HDAC8: variants seen among roughly 807,000 people sequenced by gnomAD.
HDAC8 encodes histone deacetylase 8.
In HDAC8, 1 loss-of-function variant was observed where a neutral mutation model predicts 32.2. The observed-to-expected ratio is 0.03, with a 90% CI of 0.01 to 0.15. The LOEUF (loss-of-function observed/expected upper bound fraction) is 0.15, where lower values mean the gene tolerates loss of function less well. Ranked by LOEUF, HDAC8 falls within the 10% of genes least tolerant of loss-of-function variation. The pLI is 1.00. For synonymous variants in HDAC8, 108 were observed against 113.9 expected (o/e 0.95, Z 0.33); for missense variants, 117 against 300.0 (o/e 0.39, Z 4.51).
In HDAC8 at chrX:72,452,687, T is replaced by C. The variant is rs2047601925; in HGVS notation, c.1005+9317A>G. 2.7e-5 allele frequency among the ~76,000 whole-genome samples: 3 copies of C among 111,871 alleles called. No individual in the cohort carries two copies. The Admixed American group carries it at 2.8e-4, about 11-fold the overall frequency. On this transcript the variant is annotated intron_variant, in intron 9 of 10. Coordinates refer to ENST00000373573, the MANE Select transcript of HDAC8 (RefSeq NM_018486.3). Reference sequence around the variant, plus strand: ...GGAAAAGGATCAAACTGATCCACAATAACTTAATTATCAGGAAAAAAGTAT... The same window carrying C: ...GGAAAAGGATCAAACTGATCCACAACAACTTAATTATCAGGAAAAAAGTAT...
At chrX:72,337,641 C>G (rs1555943046) in intron 10 of HDAC8, among the ~76,000 whole-genome samples, 2 of 111,357 alleles carry the variant, frequency 1.8e-5, no homozygotes, top group Admixed American at 9.5e-5. Flanking sequence ...CAAGACTGGT[C>G]TCCTTGCTTC....
chrX:72,570,125 T>A (rs1556147950), intron 2 of HDAC8, among the ~76,000 whole-genome samples: 1 of 111,724 alleles, frequency 9.0e-6, no homozygotes, highest in African/African-American at 3.3e-5. Context: ...GTGAAATACA[T>A]AGCCAAGACC....
chrX:72,476,453 T>A (rs1365914667), intron 7 of HDAC8, among the ~76,000 whole-genome samples: 2 of 111,438 alleles, frequency 1.8e-5, no homozygotes, highest in Non-Finnish European at 3.8e-5. Context: ...TTAACTGCTC[T>A]GTAACTACCA....
intron 9 of HDAC8, among the ~76,000 whole-genome samples, chrX:72,370,929 G>A (rs782065315): frequency 1.2e-4 from 13 of 111,693 alleles, no homozygotes; most frequent in African/African-American, 2.3e-4. Flanking sequence ...TTCCCAGCCC[G>A]CTGACTCAAA....
intron 9 of HDAC8, among the ~76,000 whole-genome samples, chrX:72,451,212 T>C (rs1344790152): frequency 9.0e-6 from 1 of 110,710 alleles, no homozygotes; most frequent in Admixed American, 9.6e-5. Context: ...TTTTTTTCCT[T>C]TTGAGACAGA....
chrX:72,370,020 C>T (rs1408215493), intron 9 of HDAC8, among the ~76,000 whole-genome samples: 1 of 112,022 alleles, frequency 8.9e-6, no homozygotes, highest in Non-Finnish European at 1.9e-5. Flanking sequence ...CGCAAGGTGA[C>T]AGTCCCTCCA....
chrX:72,436,626 C>CAGGAAGGA (rs782354933), intron 9 of HDAC8, among the ~76,000 whole-genome samples: 1 of 109,519 alleles, frequency 9.1e-6, no homozygotes. Flanking sequence ...AAAAGAGCAT[C>CAGGAAGGA]AGGAAGGAAG....
intron 9 of HDAC8, among the ~76,000 whole-genome samples, chrX:72,414,294 A>G (rs192875603): frequency 4.3e-4 from 48 of 112,290 alleles, no homozygotes; most frequent in African/African-American, 1.5e-3. Flanking sequence ...GACCAAGAGA[A>G]GCAGTAATAT....
intron 9 of HDAC8, among the ~76,000 whole-genome samples, chrX:72,446,296 C>T (rs1418990606): frequency 5.4e-5 from 6 of 112,090 alleles, no homozygotes; most frequent in Non-Finnish European, 1.1e-4. Flanking sequence ...AAATGTTCAA[C>T]AATGATAGAC....
At chrX:72,393,053 G>A (rs781863983) in intron 9 of HDAC8, among the ~76,000 whole-genome samples, 14 of 111,862 alleles carry the variant, frequency 1.3e-4, no homozygotes, top group South Asian at 1.1e-3. Flanking sequence ...CTTATTCAGC[G>A]TTGGTAGTTT....
intron 4 of HDAC8, among the ~76,000 whole-genome samples, chrX:72,567,124 G>A (rs1955532970): frequency 8.9e-6 from 1 of 111,783 alleles, no homozygotes; most frequent in African/African-American, 3.3e-5. Flanking sequence ...TAGCCTGAAC[G>A]ACAGGGCGAG....
chrX:72,478,279 T>C (rs1208933303), intron 7 of HDAC8, among the ~76,000 whole-genome samples: 1 of 112,598 alleles, frequency 8.9e-6, no homozygotes, highest in Non-Finnish European at 1.9e-5. Context: ...GTTAGTCTAG[T>C]TTGAATTACT....
At chrX:72,495,367 T>C (rs1346894234) in intron 4 of HDAC8, 99 bp from the exon 5 acceptor site, 1 of 434,219 alleles carries the variant, frequency 2.3e-6, no homozygotes, top group Non-Finnish European at 3.8e-6. Flanking sequence ...CCCCTAAAGT[T>C]CCCCCTTCTT....
intron 9 of HDAC8, among the ~76,000 whole-genome samples, chrX:72,451,279 C>T (rs1327133210): frequency 9.1e-6 from 1 of 109,872 alleles, no homozygotes; most frequent in Non-Finnish European, 1.9e-5. Flanking sequence ...TTACTGCATA[C>T]TCTGCCTCCC....
intron 9 of HDAC8, among the ~76,000 whole-genome samples, chrX:72,453,522 A>AAGAAAGAG (rs782484053): frequency 1.5e-4 from 11 of 74,109 alleles, no homozygotes; most frequent in Admixed American, 2.8e-4. Context: ...GAAAGAAAGA[A>AAGAAAGAG]AAAGAAAGAA....
intron 9 of HDAC8, among the ~76,000 whole-genome samples, chrX:72,447,527 C>T (rs1301520128): frequency 6.3e-5 from 7 of 111,897 alleles, no homozygotes; most frequent in Non-Finnish European, 1.1e-4. Flanking sequence ...AAAACTGGCA[C>T]AAGACAAGGA....
At chrX:72,431,622 C>T (rs1410018201) in intron 9 of HDAC8, among the ~76,000 whole-genome samples, 3 of 110,831 alleles carry the variant, frequency 2.7e-5, no homozygotes. Context: ...CGTCTATTCA[C>T]CAATCAATCT....
At chrX:72,445,358 G>A (rs1555984217) in intron 9 of HDAC8, among the ~76,000 whole-genome samples, 6 of 111,192 alleles carry the variant, frequency 5.4e-5, no homozygotes. Flanking sequence ...GAACAGAACA[G>A]AGCCCTTAGA....
At chrX:72,334,895 T>A (rs2043636566) in intron 10 of HDAC8, among the ~76,000 whole-genome samples, 1 of 112,423 alleles carries the variant, frequency 8.9e-6, no homozygotes, top group Non-Finnish European at 1.9e-5. Flanking sequence ...TGGGTTCTAC[T>A]GAACCACTGG....
Sources: gnomAD v4.1 joint callset for allele counts (sites outside exome capture counted in the v4.1 genomes callset) on GRCh38, gnomAD v4.1.1 for gene constraint, MANE v1.5 for transcripts, NCBI Gene and HGNC (gene_info 2026-07-23, HGNC 2026-07-21) for gene names.